Variants in NTNG1 observed in about 807,000 individuals in gnomAD.
The protein encoded by NTNG1 is netrin-G1.
In NTNG1, 16 loss-of-function variants were observed where a neutral mutation model predicts 54.0. That is an observed-to-expected ratio of 0.30 (90% CI 0.20 to 0.45). NTNG1 has a LOEUF of 0.45. NTNG1 is among the 20% of genes least tolerant of loss of function. The pLI, the probability that NTNG1 is intolerant of heterozygous loss-of-function variation, is 1.00. For synonymous variants in NTNG1, 255 were observed against 263.1 expected (o/e 0.97, Z 0.30); for missense variants, 530 against 678.7 (o/e 0.78, Z 2.43).
chr1:107,306,750 C>CAAAAAAA (rs377083826), intron 2 of NTNG1, among the ~76,000 whole-genome samples: 133 of 111,596 alleles, frequency 1.2e-3, no homozygotes, highest in African/African-American at 4.1e-3. Flanking sequence ...GACTCCATCG[C>CAAAAAAA]AAAAAAAAAA....
intron 3 of NTNG1, among the ~76,000 whole-genome samples, chr1:107,392,750 A>T (rs1672441621): frequency 6.6e-6 from 1 of 152,104 alleles, no homozygotes; most frequent in East Asian, 1.9e-4. Flanking sequence ...AAGATGACCA[A>T]ATGCACAGCA....
At chr1:107,170,527 T>C (rs72979573) in intron 2 of NTNG1, among the ~76,000 whole-genome samples, 2,978 of 152,226 alleles carry the variant, frequency 0.02, 98 homozygotes, top group African/African-American at 0.068. Flanking sequence ...ATGATACTGG[T>C]AAAAGAAAAT....
chr1:107,309,054 C>A (rs1053489422), intron 2 of NTNG1, among the ~76,000 whole-genome samples: 2 of 152,114 alleles, frequency 1.3e-5, no homozygotes, highest in African/African-American at 4.8e-5. Flanking sequence ...GCTGAATCTT[C>A]CATCATCTTG....
At chr1:107,198,773 A>G (rs978707209) in intron 2 of NTNG1, among the ~76,000 whole-genome samples, 4 of 151,910 alleles carry the variant, frequency 2.6e-5, no homozygotes, top group South Asian at 2.1e-4. Flanking sequence ...GTGGTTTCAT[A>G]GGGCGTTTGG....
intron 2 of NTNG1, among the ~76,000 whole-genome samples, chr1:107,225,134 G>C (rs1283463980): frequency 6.6e-6 from 1 of 152,114 alleles, no homozygotes; most frequent in East Asian, 1.9e-4. Flanking sequence ...TCCAAGGAAA[G>C]ATATTAATTT....
At chr1:107,354,996 A>G (rs1007213297) in intron 3 of NTNG1, among the ~76,000 whole-genome samples, 1 of 152,182 alleles carries the variant, frequency 6.6e-6, no homozygotes, top group Non-Finnish European at 1.5e-5. Flanking sequence ...GTTGATAAGC[A>G]ATGCTACTTC....
chr1:107,165,693 G>T (rs961714628), intron 2 of NTNG1, among the ~76,000 whole-genome samples: 1 of 152,132 alleles, frequency 6.6e-6, no homozygotes, highest in South Asian at 2.1e-4. Context: ...TACCCTGTCT[G>T]CTTTCCTAAA....
chr1:107,161,442 C>G (rs1487515861), intron 2 of NTNG1, among the ~76,000 whole-genome samples: 1 of 152,066 alleles, frequency 6.6e-6, no homozygotes, highest in African/African-American at 2.4e-5. Context: ...AGGAGGATTA[C>G]TTGAGGTCAG....
Position 107,480,008 on chromosome 1 carries a change from A to G in NTNG1, c.1391-603A>G, listed in dbSNP as rs575602138. ...GACTGCTTTTCCTCACACTCCTCCCATGAAACAAGCTTTCTCTCTTCCCAT... is the reference window on the plus strand; with the variant it reads ...GACTGCTTTTCCTCACACTCCTCCCGTGAAACAAGCTTTCTCTCTTCCCAT... On this transcript the variant is annotated intron_variant, in intron 7 of 7. Transcript: ENST00000370068. 1.9e-3 allele frequency among the ~76,000 whole-genome samples: 290 copies of G among 152,180 alleles called. 4 individuals carry two copies. The highest frequency in any genetic ancestry group is 9.7e-4 in the East Asian group (5 of 5,180).
chr1:107,267,174 G>A (rs974854457), intron 2 of NTNG1, among the ~76,000 whole-genome samples: 1 of 152,128 alleles, frequency 6.6e-6, no homozygotes, highest in Non-Finnish European at 1.5e-5. Flanking sequence ...TTGTAAAAAG[G>A]GATGGCAAGA....
chr1:107,465,164 T>A (rs1390750912), intron 7 of NTNG1, among the ~76,000 whole-genome samples: 1 of 152,152 alleles, frequency 6.6e-6, no homozygotes, highest in Admixed American at 6.5e-5. Flanking sequence ...AATCCTTCCA[T>A]GACCTTAGAA....
rs539208291 is a variant in NTNG1, at chr1:107,184,468, G to C, written c.246+35629G>C. On this transcript the variant is annotated intron_variant, in intron 2 of 7. Coordinates refer to ENST00000370068, the MANE Select transcript of NTNG1 (RefSeq NM_001113226.3). ...TGCCACTGAGTAGTTTTCTCACCCT[G>C]CTTCCTGCCGAAAGTAGTTCATGGG... Among the ~76,000 whole-genome samples, 49 of 152,204 alleles carry C rather than the reference G, an allele frequency of 3.2e-4. 2 individuals are homozygous for C. The South Asian group carries it at 9.7e-3, about 30-fold the overall frequency.
chr1:107,405,764 G>A (rs766527444), intron 4 of NTNG1, among the ~76,000 whole-genome samples: 28 of 152,050 alleles, frequency 1.8e-4, no homozygotes, highest in Non-Finnish European at 2.6e-4. Flanking sequence ...CAAGCAGTGC[G>A]TTGCAATGGA....
At chr1:107,331,074 C>G (rs569753502) in intron 3 of NTNG1, among the ~76,000 whole-genome samples, 1 of 152,166 alleles carries the variant, frequency 6.6e-6, no homozygotes, top group Non-Finnish European at 1.5e-5. Flanking sequence ...TGTTGGTTAA[C>G]CCCATTTTAC....
At chr1:107,210,434 C>A (rs186457749) in intron 2 of NTNG1, among the ~76,000 whole-genome samples, 3 of 152,188 alleles carry the variant, frequency 2.0e-5, no homozygotes, top group Admixed American at 2.0e-4. Flanking sequence ...ACTGCCAGGG[C>A]AGACCTTGGG....
Position 107,470,574 on chromosome 1 carries a change from G to A in NTNG1, c.1391-10037G>A, listed in dbSNP as rs188529459. Among the ~76,000 whole-genome samples, 198 of 152,284 alleles carry A rather than the reference G, an allele frequency of 1.3e-3. 1 individual carries two copies. Among genetic ancestry groups the A allele is most frequent in the Admixed American group, 4.8e-3 (74 of 15,294 alleles). ...CATTTTGTATCTGCCTTTCATCCTG[G>A]CACAATGCCATGTACTTTGAAACGA... On this transcript the variant is annotated intron_variant, in intron 7 of 7. Transcript: ENST00000370068.
intron 5 of NTNG1, among the ~76,000 whole-genome samples, chr1:107,423,568 C>T (rs960728468): frequency 5.9e-5 from 9 of 152,082 alleles, no homozygotes; most frequent in Non-Finnish European, 1.2e-4. Context: ...ATATGTGTTG[C>T]CAATGGTTGC....
At chr1:107,337,358 A>C (rs192301148) in intron 3 of NTNG1, among the ~76,000 whole-genome samples, 41 of 152,192 alleles carry the variant, frequency 2.7e-4, no homozygotes, top group Non-Finnish European at 4.1e-4. Context: ...TAAGCCAGTC[A>C]CAAAAGGACA....
chr1:107,233,406 T>C (rs1328672361), intron 2 of NTNG1, among the ~76,000 whole-genome samples: 1 of 152,216 alleles, frequency 6.6e-6, no homozygotes, highest in Non-Finnish European at 1.5e-5. Context: ...CTCAATGATA[T>C]TCAAACTTTT....
Sources: gnomAD v4.1 joint callset for allele counts (sites outside exome capture counted in the v4.1 genomes callset) on GRCh38, gnomAD v4.1.1 for gene constraint, MANE v1.5 for transcripts, NCBI Gene and HGNC (gene_info 2026-07-23, HGNC 2026-07-21) for gene names.